SCML1: variants seen among roughly 807,000 people sequenced by gnomAD.
SCML1 encodes the protein sex comb on midleg-like protein 1.
For missense variants in SCML1, 137 were observed against 258.1 expected (o/e 0.53, Z 3.22); for synonymous variants, 104 against 103.6 (o/e 1.00, Z -0.02).
At chrX:17,752,956 G>A (rs1159953928) in intron 7 of SCML1, among the ~76,000 whole-genome samples, 1 of 110,525 alleles carries the variant, frequency 9.0e-6, no homozygotes, top group Non-Finnish European at 1.9e-5. Flanking sequence ...TCATGGATGT[G>A]TAGTATTTTA....
intron 1 of SCML1, among the ~76,000 whole-genome samples, chrX:17,739,865 AAAAAAG>A (rs2147160432): frequency 9.3e-6 from 1 of 107,520 alleles, no homozygotes; most frequent in African/African-American, 3.4e-5. Context: ...AAAAAAAAAA[AAAAAAG>A]AAATTTAGAT....
chrX:17,749,288 T>G lies in SCML1; in HGVS notation c.199-112T>G, dbSNP rs752775754. 12 of 460,537 alleles carry G rather than the reference T, an allele frequency of 2.6e-5. No individual in the cohort carries two copies. The East Asian group carries it at 5.0e-4, about 19-fold the overall frequency. The allele number at this position is 460,537 out of a possible 1,213,427, so 38.0% of individuals were successfully genotyped here. On this transcript the variant is annotated intron_variant, in intron 4 of 7. Transcript: ENST00000380041. ...TCTGATGGCTTGAGAACTTTTGTTG[T>G]GTCTAGCAGTTAACATTTGACTTAA...
At chrX:17,753,163 C>G (rs1265987538) in intron 7 of SCML1, 95 bp from the exon 8 acceptor site, 8 of 667,522 alleles carry the variant, frequency 1.2e-5, no homozygotes, top group Non-Finnish European at 1.5e-5. Flanking sequence ...ATGAGCTGCT[C>G]TCTAGTTTGC....
At chrX:17,739,110 ATGT>A (rs1314570535) in intron 1 of SCML1, among the ~76,000 whole-genome samples, 1 of 112,065 alleles carries the variant, frequency 8.9e-6, no homozygotes, top group Non-Finnish European at 1.9e-5. Flanking sequence ...GGCTCAGAAA[ATGT>A]TGTAAAGTTG....
chrX:17,742,721 A>G (rs1385623229), intron 1 of SCML1, among the ~76,000 whole-genome samples: 1 of 112,387 alleles, frequency 8.9e-6, no homozygotes, highest in Non-Finnish European at 1.9e-5. Context: ...TCTTTATAAG[A>G]GCAAAACTTT....
chrX:17,745,296 C>T (rs2066633022), intron 2 of SCML1, 160 bp from the exon 3 acceptor site: 1 of 415,269 alleles, frequency 2.4e-6, no homozygotes, highest in Non-Finnish European at 4.2e-6. Flanking sequence ...TCTGCAAATA[C>T]ATCTTTTCAT....
chrX:17,751,181 ATTAGCAC>A, intron 6 of SCML1, among the ~76,000 whole-genome samples: 1 of 112,551 alleles, frequency 8.9e-6, no homozygotes, highest in Non-Finnish European at 1.9e-5. Flanking sequence ...CACAATGCAC[ATTAGCAC>A]TTAAGCCACG....
At position 17,753,360 on chromosome X, in the gene SCML1, C is replaced by A; in HGVS notation, c.958C>A (p.Arg320=). Residue 320 remains arginine (R), a synonymous_variant, in exon 8 of 8, where the codon CGA becomes AGA. Coordinates refer to ENST00000380041, the MANE Select transcript of SCML1 (RefSeq NM_001037540.3). ...TAVKLCYYID[R]LKQGKCFEN is the part of the protein sequence containing the mutation. ...TGTGAAGCTATGCTACTACATTGACCGACTTAAACAAGGAAAATGCTTTGA... is the reference window on the plus strand; with the variant it reads ...TGTGAAGCTATGCTACTACATTGACAGACTTAAACAAGGAAAATGCTTTGA... 1 of 1,141,071 alleles carries A rather than the reference C, an allele frequency of 8.8e-7. No individual in the cohort carries two copies. Among genetic ancestry groups the A allele is most frequent in the Non-Finnish European group, 1.2e-6 (1 of 857,469 alleles). The allele number at this position is 1,141,071 out of a possible 1,213,427, so 94.0% of individuals were successfully genotyped here.
intron 1 of SCML1, among the ~76,000 whole-genome samples, chrX:17,741,048 C>A (rs2066590364): frequency 8.9e-6 from 1 of 111,885 alleles, no homozygotes; most frequent in Admixed American, 9.4e-5. Flanking sequence ...TGCAAACTTG[C>A]CTGAAACAGG....
Position 17,751,797 on chromosome X carries a change from T to A in SCML1, c.704-18T>A. The A allele has an allele frequency of 8.3e-7, 1 of 1,202,592 alleles. No homozygotes were observed. Among genetic ancestry groups the A allele is most frequent in the Non-Finnish European group, 1.1e-6 (1 of 890,254 alleles). On this transcript the variant is annotated intron_variant, in intron 6 of 7. Transcript: ENST00000380041. ...AGTGTGATTTGTCTTTTTTTTCTTT[T>A]CCCCCTCTCCATTGAAGTTACAAGG...
intron 4 of SCML1, among the ~76,000 whole-genome samples, chrX:17,746,633 G>T (rs758023253): frequency 8.9e-6 from 1 of 112,219 alleles, no homozygotes; most frequent in South Asian, 3.7e-4. Context: ...CATATATAAG[G>T]TTTCTTGAAT....
At chrX:17,739,859 A>G (rs914130475) in intron 1 of SCML1, among the ~76,000 whole-genome samples, 1 of 106,891 alleles carries the variant, frequency 9.4e-6, no homozygotes, top group Non-Finnish European at 1.9e-5. Flanking sequence ...AAAAAAAAAA[A>G]AAAAAAAAAA....
At chrX:17,744,564 T>C (rs1428454242) in intron 2 of SCML1, 1 of 150,812 alleles carries the variant, frequency 6.6e-6, no homozygotes. Context: ...TCAAGTTGAA[T>C]CAGTATGTAG....
Position 17,753,680 on chromosome X carries a change from G to GA in SCML1, c.*301dup, listed in dbSNP as rs747596060. 1,056 of 95,302 alleles carry GA rather than the reference G, an allele frequency of 0.011. No homozygotes were observed. Among genetic ancestry groups the GA allele is most frequent in the East Asian group, 0.02 (68 of 3,378 alleles). 7.9% of individuals were successfully genotyped at this position (95,302 alleles called of 1,213,427 possible). On this transcript the variant is annotated 3_prime_UTR_variant, in exon 8 of 8. Coordinates refer to ENST00000380041, the MANE Select transcript of SCML1 (RefSeq NM_001037540.3). ...ACAAATATATTTCATGCAAGAAACA[G>GA]AAAAAAAAAAAAACCCTTTGATTCT... is the stretch of plus-strand genomic sequence containing the variant.
chrX:17,745,615 A>G (rs772245508), intron 3 of SCML1, 76 bp downstream of exon 3: 5 of 545,379 alleles, frequency 9.2e-6, no homozygotes, highest in African/African-American at 7.2e-5. Flanking sequence ...CTCGTATACT[A>G]TGGAGTTCCC....
intron 4 of SCML1, among the ~76,000 whole-genome samples, chrX:17,747,009 A>C (rs1601876197): frequency 8.9e-6 from 1 of 111,936 alleles, no homozygotes; most frequent in East Asian, 2.8e-4. Flanking sequence ...TTGTTCTTTC[A>C]TCCCAGTTCC....
intron 4 of SCML1, among the ~76,000 whole-genome samples, chrX:17,747,790 A>G (rs1601876805): frequency 8.9e-6 from 1 of 112,216 alleles, no homozygotes; most frequent in East Asian, 2.8e-4. Flanking sequence ...ACCTAATACT[A>G]TAGCAAGGTT....
Position 17,754,271 on chromosome X carries a change from A to C in SCML1, c.*879A>C, listed in dbSNP as rs1284815498. 2.7e-5 allele frequency: 3 copies of C among 112,225 alleles called. No homozygotes were observed. The highest frequency in any genetic ancestry group is 9.7e-5 in the African/African-American group (3 of 30,952). The allele number at this position is 112,225 out of a possible 1,213,427, so 9.2% of individuals were successfully genotyped here. ...GTATTTTATATTTTATTCTCACCCGAAGTATTCACACAATCTTTTTAAAAA... is the reference window on the plus strand; with the variant it reads ...GTATTTTATATTTTATTCTCACCCGCAGTATTCACACAATCTTTTTAAAAA... On this transcript the variant is annotated 3_prime_UTR_variant, in exon 8 of 8. Coordinates refer to ENST00000380041, the MANE Select transcript of SCML1 (RefSeq NM_001037540.3).
At chrX:17,746,128 T>C (rs1347689889) in intron 4 of SCML1, 30 bp downstream of exon 4, 10 of 945,673 alleles carry the variant, frequency 1.1e-5, no homozygotes, top group Non-Finnish European at 1.3e-5. Flanking sequence ...TCAATGTAGT[T>C]TTCTAAAATG....
Sources: allele counts gnomAD v4.1 joint callset (sites outside exome capture counted in the v4.1 genomes callset), GRCh38; gene constraint gnomAD v4.1.1; transcripts MANE v1.5; gene names NCBI Gene and HGNC (gene_info 2026-07-23, HGNC 2026-07-21).